The following PCDHGB3 variants were observed in gnomAD, a reference collection of about 807,000 sequenced individuals.
The protein encoded by PCDHGB3 is protocadherin gamma subfamily B, 3, also known as protocadherin gamma-B3.
In PCDHGB3, 40 loss-of-function variants were observed where a neutral mutation model predicts 59.2. The ratio of observed to expected loss-of-function variants is 0.68; its 90% confidence interval spans 0.52 to 0.88. The LOEUF is 0.88. Ranked by LOEUF, PCDHGB3 falls within the 40% of genes least tolerant of loss-of-function variation. The probability of loss-of-function intolerance (pLI) is 0.00; values close to 1 mark genes in which losing one functional copy is unlikely to be tolerated. For missense variants in PCDHGB3, 1,309 were observed against 1,187.9 expected (o/e 1.10, Z -1.50); for synonymous variants, 581 against 503.6 (o/e 1.15, Z -2.06).
chr5:141,409,143 G>C (rs778597273), intron 1 of PCDHGB3: 2 of 1,613,986 alleles, frequency 1.2e-6, no homozygotes, highest in Admixed American at 3.3e-5. Context: ...GATGTAGAAA[G>C]GTACACCATG....
Position 141,394,457 on chromosome 5 carries a change from G to A in PCDHGB3, c.2415+21648G>A, listed in dbSNP as rs375756271. 4 of 1,614,096 alleles carry A rather than the reference G, an allele frequency of 2.5e-6. No homozygotes were observed. The African/African-American group carries it at 4.0e-5, about 16-fold the overall frequency. On this transcript the variant is annotated intron_variant, in intron 1 of 3. Transcript: ENST00000576222. Reference sequence around the variant, plus strand: ...CGCCCCTCAGCAGCAACATGTCACTGAGCCTGTTCGTGCTGGACCAGAATG... The same window carrying A: ...CGCCCCTCAGCAGCAACATGTCACTAAGCCTGTTCGTGCTGGACCAGAATG...
chr5:141,480,390 T>C (rs753766736), intron 1 of PCDHGB3, among the ~76,000 whole-genome samples: 14 of 151,350 alleles, frequency 9.3e-5, no homozygotes, highest in Non-Finnish European at 1.9e-4. Flanking sequence ...ACTTCAACCA[T>C]GGCAATAGAG....
At chr5:141,500,452 G>C (rs554196222) in intron 2 of PCDHGB3, among the ~76,000 whole-genome samples, 1 of 151,506 alleles carries the variant, frequency 6.6e-6, no homozygotes, top group South Asian at 2.1e-4. Context: ...CTCGTGATCC[G>C]CCCGCCTCGG....
At chr5:141,400,357 T>C (rs769075513) in intron 1 of PCDHGB3, 1 of 1,614,052 alleles carries the variant, frequency 6.2e-7, no homozygotes, top group Non-Finnish European at 8.5e-7. Flanking sequence ...TCAGGGGACT[T>C]TGCCTTATTC....
intron 1 of PCDHGB3, chr5:141,383,374 G>T: frequency 6.2e-7 from 1 of 1,614,028 alleles, no homozygotes. Context: ...CGAGGCTGGG[G>T]ATCCAGATGT....
intron 1 of PCDHGB3, chr5:141,399,601 C>T: frequency 6.2e-7 from 1 of 1,613,986 alleles, no homozygotes; most frequent in South Asian, 1.1e-5. Context: ...GGCCAGCGAC[C>T]TAGAGCCTCT....
intron 1 of PCDHGB3, among the ~76,000 whole-genome samples, chr5:141,397,708 T>A (rs1409305799): frequency 6.6e-6 from 1 of 152,250 alleles, no homozygotes; most frequent in East Asian, 1.9e-4. Context: ...ACGTGATATT[T>A]CTAACAATTT....
chr5:141,381,768 C>T (rs1777418616), intron 1 of PCDHGB3, among the ~76,000 whole-genome samples: 1 of 150,172 alleles, frequency 6.7e-6, no homozygotes, highest in Non-Finnish European at 1.5e-5. Context: ...ACTATATAAT[C>T]AATAATCAGG....
intron 1 of PCDHGB3, among the ~76,000 whole-genome samples, chr5:141,484,720 G>A (rs1458277947): frequency 2.6e-5 from 4 of 151,988 alleles, no homozygotes; most frequent in African/African-American, 7.2e-5. Flanking sequence ...GAAAAGGGGC[G>A]GGGTCAGTCG....
intron 1 of PCDHGB3, chr5:141,394,551 C>T: frequency 6.2e-7 from 1 of 1,614,138 alleles, no homozygotes; most frequent in Non-Finnish European, 8.5e-7. Context: ...GCTGGCGCCC[C>T]GCTCCGCAGA....
intron 1 of PCDHGB3, chr5:141,418,309 G>A (rs756375907): frequency 6.2e-7 from 1 of 1,614,008 alleles, no homozygotes; most frequent in South Asian, 1.1e-5. Flanking sequence ...GCCTGGGGAT[G>A]GGAACAATTC....
intron 1 of PCDHGB3, chr5:141,418,256 T>C: frequency 1.2e-6 from 2 of 1,614,046 alleles, no homozygotes; most frequent in Non-Finnish European, 1.7e-6. Context: ...CGCCCCTCAA[T>C]TCCGGAAAGA....
chr5:141,375,835 C>A (rs772317330), intron 1 of PCDHGB3: 22 of 1,613,984 alleles, frequency 1.4e-5, no homozygotes, highest in Admixed American at 1.7e-5. Flanking sequence ...CCGCAGAGCC[C>A]GGCTACCTGG....
chr5:141,390,104 C>T, intron 1 of PCDHGB3: 1 of 1,614,070 alleles, frequency 6.2e-7, no homozygotes, highest in East Asian at 2.2e-5. Context: ...TTCCCCCCAA[C>T]TACAGCGAGG....
chr5:141,475,013 G>T (rs950376592), intron 1 of PCDHGB3, among the ~76,000 whole-genome samples: 1 of 152,176 alleles, frequency 6.6e-6, no homozygotes, highest in African/African-American at 2.4e-5. Context: ...AAAAGTTAAG[G>T]CTCTTTATTC....
At chr5:141,420,722 A>G (rs1428516588) in intron 1 of PCDHGB3, among the ~76,000 whole-genome samples, 1 of 152,226 alleles carries the variant, frequency 6.6e-6, no homozygotes, top group African/African-American at 2.4e-5. Context: ...CGTTCCTTTC[A>G]GTCGGTTAAA....
At chr5:141,384,179 G>C in intron 1 of PCDHGB3, 7 of 1,613,830 alleles carry the variant, frequency 4.3e-6, no homozygotes, top group Non-Finnish European at 5.9e-6. Context: ...GCCACAGATG[G>C]TGGAACTCCT....
At chr5:141,392,893 G>A (rs1281523592) in intron 1 of PCDHGB3, 10 of 1,613,662 alleles carry the variant, frequency 6.2e-6, no homozygotes, top group African/African-American at 2.7e-5. Flanking sequence ...TGGGAAATCG[G>A]GAGGGGACAG....
intron 1 of PCDHGB3, chr5:141,419,647 G>A (rs370948584): frequency 1.0e-4 from 165 of 1,612,474 alleles, no homozygotes; most frequent in Non-Finnish European, 1.4e-4. Context: ...CCGTGGACGC[G>A]GACTCGGGGC....
Sources: allele counts gnomAD v4.1 joint callset (sites outside exome capture counted in the v4.1 genomes callset), GRCh38; gene constraint gnomAD v4.1.1; transcripts MANE v1.5; gene names NCBI Gene and HGNC (gene_info 2026-07-23, HGNC 2026-07-21).